The following MILR1 variants were observed in gnomAD, a reference collection of about 807,000 sequenced individuals.
The protein encoded by MILR1 is allergin-1.
MILR1 carries 31 observed loss-of-function variants against 18.5 expected under a neutral mutation model. That is an observed-to-expected ratio of 1.68 (90% CI 1.26 to 2.26). MILR1 has a LOEUF of 2.26. Ranked by LOEUF, MILR1 falls within the 30% of genes most tolerant of loss-of-function variation. MILR1 has a pLI of 0.00. For missense variants in MILR1, 257 were observed against 157.4 expected, an observed-to-expected ratio of 1.63 and a Z score of -3.38; for synonymous variants, 85 against 56.2, an observed-to-expected ratio of 1.51 and a Z score of -2.30.
the MILR1 span, chr17:64,483,959 C>T: frequency 6.6e-6 from 1 of 152,194 alleles, no homozygotes; most frequent in South Asian, 2.1e-4. Context: ...GAATGATCCA[C>T]CCACCTTGGC....
intron 3 of MILR1, among the ~76,000 whole-genome samples, chr17:64,453,171 G>A (rs1335191903): frequency 1.3e-5 from 2 of 151,300 alleles, no homozygotes; most frequent in East Asian, 3.9e-4. Flanking sequence ...TGGGTTCAAG[G>A]CATTCTCCTG....
chr17:64,468,229 T>C (rs2037623665), intron 9 of MILR1, 81 bp from the exon 10 acceptor site: 2 of 455,938 alleles, frequency 4.4e-6, no homozygotes, highest in Non-Finnish European at 4.4e-6. Context: ...ACATTGCTTG[T>C]GGTTGCCTCC....
chr17:64,471,414 C>G (rs138682286), downstream of MILR1, among the ~76,000 whole-genome samples: 2 of 152,278 alleles, frequency 1.3e-5, no homozygotes, highest in African/African-American at 4.8e-5. Flanking sequence ...TCCCCCACTT[C>G]TAGACTAGCA....
chr17:64,481,837 TGCACTCCAGCC>T, the MILR1 span, among the ~76,000 whole-genome samples: 3 of 151,814 alleles, frequency 2.0e-5, no homozygotes, highest in Admixed American at 6.6e-5. Flanking sequence ...ATCGTGCCAC[TGCACTCCAGCC>T]TGGGTAACAG....
the MILR1 span, among the ~76,000 whole-genome samples, chr17:64,482,539 C>T: frequency 4.6e-4 from 70 of 152,128 alleles, no homozygotes; most frequent in East Asian, 0.012. Flanking sequence ...AGGATGGTCT[C>T]GATCTCTTGA....
chr17:64,459,430 G>C (rs2037373043), intron 4 of MILR1, among the ~76,000 whole-genome samples: 1 of 145,852 alleles, frequency 6.9e-6, no homozygotes, highest in African/African-American at 2.5e-5. Context: ...GCGAGACCCT[G>C]TCTCAAAGAA....
rs2037368107 is a variant in MILR1 at position 64,459,184 on chromosome 17, G to A, written c.652+1500G>A. On this transcript the variant is annotated intron_variant, in intron 4 of 9. Coordinates refer to ENST00000619286, the MANE Select transcript of MILR1 (RefSeq NM_001085423.2). ...GCAGTGGCTCACACCTGTAATTCCA[G>A]CATTTTGGAAGGTTGTGGCTGGCAG... Among the ~76,000 whole-genome samples, 3 of 152,330 alleles carry A rather than the reference G, an allele frequency of 2.0e-5. No homozygotes were observed. The South Asian group carries it at 6.2e-4, about 32-fold the overall frequency.
In MILR1 at chr17:64,466,631, C is replaced by T. The variant is rs375584092; in HGVS notation, c.948C>T (p.Pro316=). ...KHSQELQYAT[P]VFQEVAPREQ... ...CCCAGGAGCTACAGTATGCCACCCCCGTGTTCCAGGAGGTGGCACCAAGAG... is the reference window on the plus strand; with the variant it reads ...CCCAGGAGCTACAGTATGCCACCCCTGTGTTCCAGGAGGTGGCACCAAGAG... Residue 316 remains proline (P), a synonymous_variant, in exon 8 of 10, where the codon CCC becomes CCT. Transcript: ENST00000619286. 4.8e-5 allele frequency: 78 copies of T among 1,610,180 alleles called. 1 individual carries two copies. The Middle Eastern group carries it at 6.6e-4, about 14-fold the overall frequency.
chr17:64,485,865 G>A, the MILR1 span: 4 of 1,613,802 alleles, frequency 2.5e-6, no homozygotes, highest in East Asian at 2.2e-5. Context: ...CGTCCATCTC[G>A]GCCCTTCACA....
intron 5 of MILR1, among the ~76,000 whole-genome samples, chr17:64,463,969 G>A (rs1370858474): frequency 1.3e-5 from 2 of 151,512 alleles, no homozygotes; most frequent in Non-Finnish European, 2.9e-5. Flanking sequence ...GATTACAGGC[G>A]CCCACCACCA....
chr17:64,491,676 G>T, the MILR1 span: 2 of 1,225,960 alleles, frequency 1.6e-6, no homozygotes, highest in Non-Finnish European at 2.4e-6. Flanking sequence ...GTACATCAAC[G>T]TGAAGAAGGG....
At position 64,465,478 on chromosome 17, in the gene MILR1, A is replaced by G; in HGVS notation, c.790A>G (p.Arg264Gly). 1 of 1,610,312 alleles carries G rather than the reference A, an allele frequency of 6.2e-7. No homozygotes were observed. The highest frequency in any genetic ancestry group is 8.5e-7 in the Non-Finnish European group (1 of 1,178,348). Residue 264 changes from arginine (R) to glycine (G), a missense_variant, in exon 6 of 10, where the codon AGG becomes GGG. Coordinates refer to ENST00000619286, the MANE Select transcript of MILR1 (RefSeq NM_001085423.2). The part of the protein sequence containing the change: ...TRKAMRNNVP[R>G]DRGDTAMEVG... Reference sequence around the variant, plus strand: ...AAAAGCTATGAGAAATAATGTGCCCAGGGACCGTGGAGACACAGCCATGGA... The same window carrying G: ...AAAAGCTATGAGAAATAATGTGCCCGGGGACCGTGGAGACACAGCCATGGA...
the MILR1 span, chr17:64,487,033 T>G: frequency 6.6e-6 from 1 of 152,120 alleles, no homozygotes; most frequent in Non-Finnish European, 1.5e-5. Context: ...TGGATATTCA[T>G]GTAATTTTTA....
chr17:64,491,063 T>C, the MILR1 span: 1 of 996,876 alleles, frequency 1.0e-6, no homozygotes, highest in Non-Finnish European at 1.6e-6. Context: ...TGTCCGATAC[T>C]TTTTATTCAG....
chr17:64,462,351 AAC>A (rs2037450618), intron 5 of MILR1, among the ~76,000 whole-genome samples: 1 of 152,152 alleles, frequency 6.6e-6, no homozygotes, highest in Non-Finnish European at 1.5e-5. Flanking sequence ...TTCTTAATTA[AAC>A]ACAAGTTTAA....
downstream of MILR1, among the ~76,000 whole-genome samples, chr17:64,470,716 T>A (rs970714356): frequency 1.3e-5 from 2 of 152,170 alleles, no homozygotes; most frequent in Non-Finnish European, 2.9e-5. Context: ...GATCCTGGAA[T>A]TGGCTTTCAG....
intron 3 of MILR1, among the ~76,000 whole-genome samples, chr17:64,453,443 A>C (rs1379126091): frequency 6.6e-6 from 1 of 151,536 alleles, no homozygotes; most frequent in Non-Finnish European, 1.5e-5. Context: ...ATAGTCTTAT[A>C]TCTTTAGGCA....
chr17:64,493,984 A>C, the MILR1 span, among the ~76,000 whole-genome samples: 2 of 152,218 alleles, frequency 1.3e-5, no homozygotes, highest in Non-Finnish European at 2.9e-5. Context: ...TAAAAAGTTA[A>C]CCATAATACC....
chr17:64,477,079 C>T, the MILR1 span, among the ~76,000 whole-genome samples: 2 of 152,260 alleles, frequency 1.3e-5, no homozygotes, highest in Admixed American at 1.3e-4. Context: ...TTTCAAAAAT[C>T]CGTAAATACT....
Sources: allele counts gnomAD v4.1 joint callset (sites outside exome capture counted in the v4.1 genomes callset), GRCh38; gene constraint gnomAD v4.1.1; transcripts MANE v1.5; gene names NCBI Gene and HGNC (gene_info 2026-07-23, HGNC 2026-07-21).